DCLK2: variants seen among roughly 807,000 people sequenced by gnomAD.
DCLK2 encodes doublecortin like kinase 2, also known as serine/threonine-protein kinase DCLK2.
DCLK2 carries 31 observed loss-of-function variants against 78.4 expected under a neutral mutation model. That is an observed-to-expected ratio of 0.40 (90% CI 0.30 to 0.53). The LOEUF (loss-of-function observed/expected upper bound fraction) is 0.53. Ranked by LOEUF, DCLK2 falls within the 20% of genes least tolerant of loss-of-function variation. The probability of loss-of-function intolerance (pLI) is 0.61; values close to 1 mark genes in which losing one functional copy is unlikely to be tolerated. For synonymous variants in DCLK2, 407 were observed against 374.9 expected, an observed-to-expected ratio of 1.09 and a Z score of -0.99; for missense variants, 872 against 973.7, an observed-to-expected ratio of 0.90 and a Z score of 1.39.
At chr4:150,093,602 G>A (rs1053442503) in intron 1 of DCLK2, among the ~76,000 whole-genome samples, 3 of 152,128 alleles carry the variant, frequency 2.0e-5, no homozygotes, top group African/African-American at 7.2e-5. Flanking sequence ...GGCTAGTCTC[G>A]AAATCTTGGC....
At chr4:150,217,606 A>C (rs948442144) in intron 5 of DCLK2, among the ~76,000 whole-genome samples, 2 of 152,228 alleles carry the variant, frequency 1.3e-5, no homozygotes, top group Non-Finnish European at 2.9e-5. Flanking sequence ...ACATCTGAGC[A>C]GTAATAATGA....
chr4:150,175,086 A>ATATTTGTATATATTTG (rs375914117), intron 2 of DCLK2, among the ~76,000 whole-genome samples: 3 of 38,020 alleles, frequency 7.9e-5, no homozygotes, highest in Non-Finnish European at 1.2e-4. Context: ...ATATATTTAT[A>ATATTTGTATATATTTG]TATATATTTA....
At chr4:150,117,609 G>A (rs1462168127) in intron 2 of DCLK2, among the ~76,000 whole-genome samples, 4 of 152,174 alleles carry the variant, frequency 2.6e-5, no homozygotes, top group Non-Finnish European at 5.9e-5. Flanking sequence ...TCCCCTGTGA[G>A]GTGGGATCAG....
At chr4:150,167,593 A>G (rs1430180774) in intron 2 of DCLK2, among the ~76,000 whole-genome samples, 4 of 152,204 alleles carry the variant, frequency 2.6e-5, no homozygotes, top group African/African-American at 9.7e-5. Flanking sequence ...GAACTGTTAC[A>G]GTAGGTAGCT....
intron 2 of DCLK2, among the ~76,000 whole-genome samples, chr4:150,151,119 G>A (rs1734866451): frequency 6.6e-6 from 1 of 152,148 alleles, no homozygotes; most frequent in Non-Finnish European, 1.5e-5. Flanking sequence ...TTTTAGTGTG[G>A]CTAACTATAT....
At chr4:150,126,450 G>A (rs551916088) in intron 2 of DCLK2, among the ~76,000 whole-genome samples, 1 of 152,318 alleles carries the variant, frequency 6.6e-6, no homozygotes, top group South Asian at 2.1e-4. Flanking sequence ...CTAACTCTTT[G>A]TAGAGGCATC....
chr4:150,234,802 A>G (rs556398172), intron 10 of DCLK2, among the ~76,000 whole-genome samples: 1 of 151,894 alleles, frequency 6.6e-6, no homozygotes, highest in African/African-American at 2.4e-5. Flanking sequence ...GAACTCTAAC[A>G]AGGAATGGAG....
chr4:150,086,067 A>C (rs754966735), intron 1 of DCLK2, among the ~76,000 whole-genome samples: 1 of 152,158 alleles, frequency 6.6e-6, no homozygotes, highest in African/African-American at 2.4e-5. Flanking sequence ...ATACAGGAGG[A>C]TCTTTTCCAT....
chr4:150,080,057 C>T (rs973532354), intron 1 of DCLK2, among the ~76,000 whole-genome samples: 1 of 150,954 alleles, frequency 6.6e-6, no homozygotes, highest in Non-Finnish European at 1.5e-5. Context: ...CCCCAGATAT[C>T]CTGATTAAAT....
chr4:150,179,160 T>C (rs1737311359), intron 2 of DCLK2, among the ~76,000 whole-genome samples: 1 of 152,136 alleles, frequency 6.6e-6, no homozygotes. Context: ...CCTAAGTAAC[T>C]GGGACTACAG....
intron 2 of DCLK2, among the ~76,000 whole-genome samples, chr4:150,130,769 A>G (rs914782879): frequency 6.6e-6 from 1 of 152,086 alleles, no homozygotes; most frequent in African/African-American, 2.4e-5. Context: ...CTAGCATGGC[A>G]GAGGATACGG....
At chr4:150,173,054 C>G (rs1321200025) in intron 2 of DCLK2, among the ~76,000 whole-genome samples, 4 of 152,158 alleles carry the variant, frequency 2.6e-5, no homozygotes. Flanking sequence ...AGCACTAGTT[C>G]TGAATTCTGT....
chr4:150,250,912 CACACACCACAAATCCT>C (rs1254149150), intron 15 of DCLK2, among the ~76,000 whole-genome samples: 5 of 68,428 alleles, frequency 7.3e-5, no homozygotes, highest in Admixed American at 1.4e-4. Flanking sequence ...CCCACATCCC[CACACACCACAAATCCT>C]CCACACCCCC....
At chr4:150,159,893 C>T (rs116369137) in intron 2 of DCLK2, among the ~76,000 whole-genome samples, 110 of 151,892 alleles carry the variant, frequency 7.2e-4, no homozygotes, top group African/African-American at 2.3e-3. Flanking sequence ...ATGAGGGAAA[C>T]GTAAAAAATA....
At chr4:150,119,060 A>T (rs1357905874) in intron 2 of DCLK2, among the ~76,000 whole-genome samples, 1 of 151,338 alleles carries the variant, frequency 6.6e-6, no homozygotes, top group Non-Finnish European at 1.5e-5. Context: ...AATAATAATA[A>T]TAATAACAAT....
Position 150,079,354 on chromosome 4 carries a change from C to G in DCLK2, c.327C>G (p.Ser109=), listed in dbSNP as rs750574957. Residue 109 remains serine (S), a synonymous_variant, in exon 1 of 16, where the codon TCC becomes TCG. Transcript: ENST00000296550. ...FDALLIELTR[S]LSDNVNLPQG... ...CGCTCCTCATAGAGCTCACCCGCTC[C>G]CTGTCGGACAACGTGAACCTGCCCC... 4 of 1,588,488 alleles carry G rather than the reference C, an allele frequency of 2.5e-6. No homozygotes were observed. The highest frequency in any genetic ancestry group is 3.4e-6 in the Non-Finnish European group (4 of 1,167,500).
chr4:150,099,679 CTAACA>C (rs1730752911), intron 1 of DCLK2, among the ~76,000 whole-genome samples: 1 of 152,128 alleles, frequency 6.6e-6, no homozygotes, highest in African/African-American at 2.4e-5. Flanking sequence ...GTGTCAGCAC[CTAACA>C]TGAGAGCTTG....
At chr4:150,220,585 G>T in intron 5 of DCLK2, 118 bp from the exon 6 acceptor site, 1 of 719,568 alleles carries the variant, frequency 1.4e-6, no homozygotes. Flanking sequence ...GAAAGGGAAC[G>T]CCTCCTCGGT....
chr4:150,232,412 A>G lies in DCLK2; in HGVS notation c.1375A>G (p.Met459Val). The change falls in exon 9 of 16, where the codon ATG becomes GTG. Residue 459 changes from methionine (M) to valine (V), a missense_variant. Around this residue, in one of 3 missense-constraint regions of DCLK2, gnomAD observed 567 missense variants for 593.4 expected, o/e 0.96. Transcript: ENST00000296550. ...CAATATCATTATGCTGGTCGAGGAG[A>G]TGGAAACAGCAACTGAGCTCTTTCT... ...HPNIIMLVEEMETATELFLVM... is the reference protein window; with the variant it reads ...HPNIIMLVEEVETATELFLVM... 1 of 1,614,096 alleles carries G rather than the reference A, an allele frequency of 6.2e-7. No individual in the cohort carries two copies. The highest frequency in any genetic ancestry group is 1.1e-5 in the South Asian group (1 of 91,068).
Sources: allele counts gnomAD v4.1 joint callset (sites outside exome capture counted in the v4.1 genomes callset), GRCh38; gene constraint gnomAD v4.1.1; regional missense constraint gnomAD v4.1.1; transcripts MANE v1.5; gene names NCBI Gene and HGNC (gene_info 2026-07-23, HGNC 2026-07-21).